The following CILP variants were observed in gnomAD, a reference collection of about 807,000 sequenced individuals.
CILP encodes the protein cartilage intermediate layer protein 1.
Under a neutral mutation model 82.5 loss-of-function variants are expected in CILP, and 75 were observed. The observed-to-expected ratio is 0.91, with a 90% confidence interval of 0.75 to 1.10. CILP has a LOEUF of 1.10. CILP is among the 50% of genes least tolerant of loss of function. CILP has a pLI of 0.00. For missense variants in CILP, 1,479 were observed against 1,530.8 expected (o/e 0.97, Z 0.56); for synonymous variants, 530 against 580.3 (o/e 0.91, Z 1.25).
Position 65,206,770 on chromosome 15 carries a change from G to A in CILP, c.424+12C>T, listed in dbSNP as rs112582030. On this transcript the variant is annotated intron_variant, in intron 4 of 8. Coordinates refer to ENST00000261883, the MANE Select transcript of CILP (RefSeq NM_003613.4). Reference sequence around the variant, plus strand: ...GGAAGTAGCGGGTGGGGGTGGGGGCGTTCTGGCTTACCTGGTGGGCAGAGG... The same window carrying A: ...GGAAGTAGCGGGTGGGGGTGGGGGCATTCTGGCTTACCTGGTGGGCAGAGG... 3.3e-4 allele frequency: 522 copies of A among 1,597,674 alleles called. 4 individuals carry two copies. The African/African-American group carries it at 5.4e-3, about 17-fold the overall frequency.
rs766746683 is a variant in CILP at position 65,197,984 on chromosome 15, C to T, written c.2302G>A (p.Glu768Lys). The T allele has an allele frequency of 3.1e-6, 5 of 1,614,064 alleles. No homozygotes were observed. The South Asian group carries it at 5.5e-5, about 18-fold the overall frequency. Residue 768 changes from glutamate (E) to lysine (K), a missense_variant, in exon 9 of 9, where the codon GAG (glutamate) becomes AAG (lysine). Coordinates refer to ENST00000261883, the MANE Select transcript of CILP (RefSeq NM_003613.4). ...GAGATCACAACCCCCTGGATCTGCT[C>T]ACTAGGCAAGAACCTCTCACTCCGG... ...AYRSERFLPSEQIQGVVISVI... is the reference protein window; with the variant it reads ...AYRSERFLPSKQIQGVVISVI...
In CILP at chr15:65,204,575, G is replaced by A. The variant is rs1263230982; in HGVS notation, c.612C>T (p.Asp204=). Residue 204 remains aspartate (D), a synonymous_variant, in exon 6 of 9, where the codon GAC becomes GAT. Transcript: ENST00000261883. The part of the protein sequence containing the change: ...HCMGQDCTAC[D]LTCPMGQVNA... The stretch of plus-strand genomic sequence containing the variant: ...TCACCTGGCCCATTGGGCAGGTCAG[G>A]TCACAGGCTGTGGAACAAGGGGCCA... 7.5e-6 allele frequency: 12 copies of A among 1,593,508 alleles called. No individual in the cohort carries two copies. The highest frequency in any genetic ancestry group is 9.4e-6 in the Non-Finnish European group (11 of 1,175,224).
chr15:65,198,191 A>T lies in CILP; in HGVS notation c.2095T>A (p.Trp699Arg). The T allele has an allele frequency of 6.2e-7, 1 of 1,614,240 alleles. No individual in the cohort carries two copies. Among genetic ancestry groups the T allele is most frequent in the Non-Finnish European group, 8.5e-7 (1 of 1,180,048 alleles). Residue 699 changes from tryptophan to arginine, a missense_variant, in exon 9 of 9, where the codon TGG (tryptophan) becomes AGG (arginine). Transcript: ENST00000261883. ...MPEHISTVKL[W>R]SLNPDTGLWE... ...AGCCCTGTGTCTGGATTGAGTGACCAGAGTTTCACTGTGGATATGTGCTCT... is the reference window on the plus strand; with the variant it reads ...AGCCCTGTGTCTGGATTGAGTGACCTGAGTTTCACTGTGGATATGTGCTCT...
At chr15:65,209,582 G>A (rs2140684851) in intron 2 of CILP, 113 bp downstream of exon 2, 1 of 899,238 alleles carries the variant, frequency 1.1e-6, no homozygotes, top group East Asian at 2.5e-5. Flanking sequence ...AGTGGCCTCA[G>A]GTCTTAAGGC....
rs766281499 is a variant in CILP, at chr15:65,203,360, A to G, written c.1028+2T>C. On this transcript the variant is annotated splice_donor_variant, in intron 7 of 8. Coordinates refer to ENST00000261883, the MANE Select transcript of CILP (RefSeq NM_003613.4). LOFTEE classifies it high-confidence loss of function. ...GGGCAGGGTAGCTAGCAGAATACGCACCAAAAATACTTGTCTGGCCTGGGC... is the reference window on the plus strand; with the variant it reads ...GGGCAGGGTAGCTAGCAGAATACGCGCCAAAAATACTTGTCTGGCCTGGGC... The G allele has an allele frequency of 3.7e-6, 6 of 1,610,632 alleles. No homozygotes were observed. The South Asian group carries it at 6.6e-5, about 18-fold the overall frequency.
chr15:65,201,947 C>A lies in CILP; in HGVS notation c.1111G>T (p.Ala371Ser). Reference sequence around the variant, plus strand: ...TGGGCCTTGCAAAAGTACTCCCCAGCCTGGTGCTGCTGCAGTTTCCTCAGC... The same window carrying A: ...TGGGCCTTGCAAAAGTACTCCCCAGACTGGTGCTGCTGCAGTTTCCTCAGC... The part of the protein sequence containing the change: ...LVLRKLQQHQ[A>S]GEYFCKAQSD... Residue 371 changes from alanine to serine, a missense_variant, in exon 8 of 9, where the codon GCT (alanine) becomes TCT (serine). By Grantham distance (99) the Ala-to-Ser change is moderately conservative (BLOSUM62 1). Coordinates refer to ENST00000261883, the MANE Select transcript of CILP (RefSeq NM_003613.4). 1 of 1,607,890 alleles carries A rather than the reference C, an allele frequency of 6.2e-7. No individual in the cohort carries two copies. Among genetic ancestry groups the A allele is most frequent in the Non-Finnish European group, 8.5e-7 (1 of 1,177,550 alleles).
At chr15:65,201,610 T>G (rs745399926) in intron 8 of CILP, among the ~76,000 whole-genome samples, 52 of 150,892 alleles carry the variant, frequency 3.4e-4, no homozygotes, top group Non-Finnish European at 6.3e-4. Flanking sequence ...ACGCCTGTAA[T>G]CCCAGCTATT....
chr15:65,207,886 C>T lies in CILP; in HGVS notation c.62-122G>A, dbSNP rs2088535733. The T allele has an allele frequency of 2.1e-5, 16 of 759,910 alleles. No homozygotes were observed. In the South Asian group the frequency reaches 2.4e-4, roughly 11 times the overall value. The allele number at this position is 759,910 out of a possible 1,614,324, so 47.1% of individuals were successfully genotyped here. A position where few individuals can be genotyped will look rare whatever the true frequency, so the allele number is the denominator to read the frequency against. ...ATGAGCACCAGGCATGGGTTCAAAC[C>T]CCACTCTGCTACTTATTGCTGTGCA... On this transcript the variant is annotated intron_variant, in intron 2 of 8. Transcript: ENST00000261883.
At chr15:65,204,703 C>CT (rs2088498244) in intron 5 of CILP, 121 bp from the exon 6 acceptor site, 5 of 949,960 alleles carry the variant, frequency 5.3e-6, no homozygotes, top group Non-Finnish European at 6.0e-6. Context: ...GCCTGCATGA[C>CT]TAACTCCCAC....
Position 65,204,387 on chromosome 15 carries a change from A to G in CILP, c.800T>C (p.Leu267Ser). 1 of 1,614,206 alleles carries G rather than the reference A, an allele frequency of 6.2e-7. No homozygotes were observed. Among genetic ancestry groups the G allele is most frequent in the Non-Finnish European group, 8.5e-7 (1 of 1,180,038 alleles). ...CAGGATGCTTTTGCCATCAGGGCAC[A>G]AGCCAGGGATTCGGAATCTCCCATC... The part of the protein sequence containing the change: ...DSDGRFRIPG[L>S]CPDGKSILKI... The change falls in exon 6 of 9, where the codon TTG (leucine) becomes TCG (serine). Residue 267 changes from leucine (L) to serine (S), a missense_variant. By Grantham distance (145) the Leu-to-Ser change is moderately radical. Transcript: ENST00000261883.
At chr15:65,202,652 T>C (rs2088472025) in intron 7 of CILP, among the ~76,000 whole-genome samples, 2 of 151,976 alleles carry the variant, frequency 1.3e-5, no homozygotes, top group African/African-American at 4.8e-5. Flanking sequence ...GGTCTCGAAC[T>C]CCTGACCTCA....
Position 65,209,735 on chromosome 15 carries a change from C to T in CILP, c.21G>A (p.Trp7Ter), listed in dbSNP as rs927267367. The change falls in exon 2 of 9, where the codon TGG becomes TGA. Residue 7 changes from tryptophan to a stop codon, truncating the protein, a stop_gained. Coordinates refer to ENST00000261883, the MANE Select transcript of CILP (RefSeq NM_003613.4). LOFTEE classifies it high-confidence loss of function. MVGTKA[W>*]VFSFLVLEVT... ...CTTCCAGGACCAGGAAGGAGAACAC[C>T]CAGGCCTTGGTCCCCACCATCTTTC... 2 of 1,613,868 alleles carry T rather than the reference C, an allele frequency of 1.2e-6. No homozygotes were observed. The highest frequency in any genetic ancestry group is 2.7e-5 in the African/African-American group (2 of 74,846).
intron 8 of CILP, among the ~76,000 whole-genome samples, chr15:65,200,634 GCT>G (rs907893128): frequency 2.0e-5 from 3 of 151,936 alleles, no homozygotes; most frequent in Non-Finnish European, 2.9e-5. Context: ...CTTTACCCAT[GCT>G]GGCCCCTCAA....
intron 8 of CILP, among the ~76,000 whole-genome samples, chr15:65,200,164 A>G (rs2088432085): frequency 1.3e-5 from 2 of 152,254 alleles, no homozygotes; most frequent in African/African-American, 4.8e-5. Flanking sequence ...ATTTTGTATT[A>G]AAATTTAAAA....
Position 65,204,371 on chromosome 15 carries a change from T to C in CILP, c.816A>G (p.Lys272=). 6.2e-7 allele frequency: 1 copy of C among 1,614,184 alleles called. No homozygotes were observed. The highest frequency in any genetic ancestry group is 8.5e-7 in the Non-Finnish European group (1 of 1,180,034). The part of the protein sequence containing the change: ...FRIPGLCPDG[K]SILKITKVKF... ...TGACCTTTGTGATCTTCAGGATGCT[T>C]TTGCCATCAGGGCACAAGCCAGGGA... Residue 272 remains lysine, a synonymous_variant, in exon 6 of 9, where the codon AAA becomes AAG. Coordinates refer to ENST00000261883, the MANE Select transcript of CILP (RefSeq NM_003613.4).
intron 4 of CILP, among the ~76,000 whole-genome samples, 177 bp from the exon 5 acceptor site, chr15:65,205,643 G>A (rs932489537): frequency 3.3e-5 from 5 of 152,242 alleles, no homozygotes; most frequent in African/African-American, 9.6e-5. Context: ...TCTTGAGGAA[G>A]TGAGGTCTCT....
chr15:65,196,508 T>C lies in CILP; in HGVS notation c.*223A>G, dbSNP rs74020180. 935 of 436,200 alleles carry C rather than the reference T, an allele frequency of 2.1e-3. 6 individuals carry two copies. The highest frequency in any genetic ancestry group is 0.018 in the African/African-American group (879 of 50,068). The allele number at this position is 436,200 out of a possible 1,614,324, so 27.0% of individuals were successfully genotyped here. A position where few individuals can be genotyped will look rare whatever the true frequency, so the allele number is the denominator to read the frequency against. On this transcript the variant is annotated 3_prime_UTR_variant, in exon 9 of 9. Coordinates refer to ENST00000261883, the MANE Select transcript of CILP (RefSeq NM_003613.4). ...AGTTTTACCAGTGGCCAATTTCTTG[T>C]GTTTCATTTAAAGAACAGTTTCACA...
chr15:65,207,799 A>G (rs770529617), intron 2 of CILP, 35 bp from the exon 3 acceptor site: 14 of 1,565,410 alleles, frequency 8.9e-6, no homozygotes, highest in Non-Finnish European at 1.1e-5. Flanking sequence ...GTGAGAGGCC[A>G]GGACTGGAAG....
chr15:65,197,430 C>T lies in CILP; in HGVS notation c.2856G>A (p.Arg952=). Reference sequence around the variant, plus strand: ...CAATCTTCACCTTGATATAGCAGGCCCTGAATTCCATCGGCTTTGGCCACC... The same window carrying T: ...CAATCTTCACCTTGATATAGCAGGCTCTGAATTCCATCGGCTTTGGCCACC... ...LAWWPKPMEF[R]ACYIKVKIVG... Residue 952 remains arginine (R), a synonymous_variant, in exon 9 of 9, where the codon AGG becomes AGA. Transcript: ENST00000261883. 1 of 1,614,244 alleles carries T rather than the reference C, an allele frequency of 6.2e-7. No individual in the cohort carries two copies. Among genetic ancestry groups the T allele is most frequent in the Non-Finnish European group, 8.5e-7 (1 of 1,180,050 alleles).
Sources: gnomAD v4.1 joint callset for allele counts (sites outside exome capture counted in the v4.1 genomes callset) on GRCh38, gnomAD v4.1.1 for gene constraint, MANE v1.5 for transcripts, NCBI Gene and HGNC (gene_info 2026-07-23, HGNC 2026-07-21) for gene names.